MCFD2: variants seen among roughly 807,000 people sequenced by gnomAD.
MCFD2 encodes multiple coagulation factor deficiency 2, ER cargo receptor complex subunit.
A neutral mutation model predicts 12.8 loss-of-function variants in MCFD2; 11 were observed. The observed-to-expected ratio is 0.86, with a 90% CI of 0.54 to 1.42. MCFD2 has a LOEUF of 1.42. Ranked by LOEUF, MCFD2 falls within the 40% of genes most tolerant of loss-of-function variation. The pLI is 0.00. For synonymous variants in MCFD2, 70 were observed against 68.1 expected (o/e 1.03, Z -0.14); for missense variants, 191 against 178.6 (o/e 1.07, Z -0.40).
In MCFD2 at chr2:46,905,090, G is replaced by A; in HGVS notation, c.*373C>T. The A allele has an allele frequency of 3.0e-6, 1 of 334,194 alleles. No individual in the cohort carries two copies. Among genetic ancestry groups the A allele is most frequent in the South Asian group, 2.8e-5 (1 of 35,988 alleles). 20.7% of individuals were successfully genotyped at this position (334,194 alleles called of 1,614,324 possible). A position where few individuals can be genotyped will look rare whatever the true frequency, so the allele number is the denominator to read the frequency against. ...CTCATTTTCTCTTGCTGCCATGTAAGAAGTGCCTTTCACCTCCCGCCATGA... is the reference window on the plus strand; with the variant it reads ...CTCATTTTCTCTTGCTGCCATGTAAAAAGTGCCTTTCACCTCCCGCCATGA... On this transcript the variant is annotated 3_prime_UTR_variant, in exon 4 of 4. Coordinates refer to ENST00000319466, the MANE Select transcript of MCFD2 (RefSeq NM_139279.6).
rs1668162286 is a variant in MCFD2, at chr2:46,905,063, TC to T, written c.*399del. ...ATCAGGGGTTTCCACTTTTGCTTCTTCCTCATTTTCTCTTGCTGCCATGTAA... is the reference window on the plus strand; with the variant it reads ...ATCAGGGGTTTCCACTTTTGCTTCTTCTCATTTTCTCTTGCTGCCATGTAA... On this transcript the variant is annotated 3_prime_UTR_variant, in exon 4 of 4. Transcript: ENST00000319466. 3.1e-6 allele frequency: 1 copy of T among 322,012 alleles called. No individual in the cohort carries two copies. The highest frequency in any genetic ancestry group is 4.4e-5 in the Admixed American group (1 of 22,866). 19.9% of individuals were successfully genotyped at this position (322,012 alleles called of 1,614,324 possible).
chr2:46,923,766 C>T (rs1367191951), intron 1 of MCFD2, among the ~76,000 whole-genome samples: 2 of 152,008 alleles, frequency 1.3e-5, no homozygotes, highest in Middle Eastern at 3.4e-3. Flanking sequence ...AAGTCTCACT[C>T]TTGTCCACCA....
chr2:46,914,131 C>T (rs896096092), intron 1 of MCFD2: 1 of 152,336 alleles, frequency 6.6e-6, no homozygotes, highest in Non-Finnish European at 1.5e-5. Flanking sequence ...GTCTTGGCAC[C>T]TAGGTGTATT....
In MCFD2 at chr2:46,905,376, G is replaced by T; in HGVS notation, c.*87C>A. Reference sequence around the variant, plus strand: ...TACCAAAATGCTGCAGCAGTAGTTGGAAATGAGTTATTTTGCATTACTAAA... The same window carrying T: ...TACCAAAATGCTGCAGCAGTAGTTGTAAATGAGTTATTTTGCATTACTAAA... On this transcript the variant is annotated 3_prime_UTR_variant, in exon 4 of 4. Coordinates refer to ENST00000319466, the MANE Select transcript of MCFD2 (RefSeq NM_139279.6). The T allele has an allele frequency of 6.8e-7, 1 of 1,469,980 alleles. No individual in the cohort carries two copies. Among genetic ancestry groups the T allele is most frequent in the Non-Finnish European group, 9.5e-7 (1 of 1,052,128 alleles). The allele number at this position is 1,469,980 out of a possible 1,614,324, so 91.1% of individuals were successfully genotyped here.
chr2:46,932,559 A>G (rs2103846344), intron 1 of MCFD2, among the ~76,000 whole-genome samples: 1 of 152,242 alleles, frequency 6.6e-6, no homozygotes, highest in East Asian at 1.9e-4. Flanking sequence ...ATGTTTTTAA[A>G]AGAGAAGAAA....
Position 46,905,287 on chromosome 2 carries a change from T to C in MCFD2, c.*176A>G, listed in dbSNP as rs1668171631. ...CACTTAGGGACTATTAGATGTCCCA[T>C]TTCTCTTCTCTTTCATTTCTCTTAT... On this transcript the variant is annotated 3_prime_UTR_variant, in exon 4 of 4. Coordinates refer to ENST00000319466, the MANE Select transcript of MCFD2 (RefSeq NM_139279.6). The C allele has an allele frequency of 1.0e-5, 7 of 695,980 alleles. No homozygotes were observed. The highest frequency in any genetic ancestry group is 1.6e-5 in the South Asian group (1 of 63,196). 43.1% of individuals were successfully genotyped at this position (695,980 alleles called of 1,614,324 possible).
intron 1 of MCFD2, among the ~76,000 whole-genome samples, chr2:46,933,615 G>T (rs1284384976): frequency 6.6e-6 from 1 of 152,170 alleles, no homozygotes; most frequent in Non-Finnish European, 1.5e-5. Context: ...GGCAGGATGT[G>T]CTCTGAGCCA....
intron 1 of MCFD2, among the ~76,000 whole-genome samples, chr2:46,938,447 G>A (rs1315309093): frequency 3.9e-5 from 6 of 151,978 alleles, no homozygotes; most frequent in Admixed American, 2.6e-4. Context: ...ACCTTCAACC[G>A]AGGGGGTATT....
upstream of MCFD2, chr2:46,917,065 C>T (rs1668840236): frequency 7.7e-6 from 5 of 649,946 alleles, no homozygotes; most frequent in Admixed American, 5.0e-5. Context: ...TGAAAGTTGC[C>T]TAACGCCACT....
At chr2:46,916,234 A>C, upstream of MCFD2, 1 of 914,120 alleles carries the variant, frequency 1.1e-6, no homozygotes, top group Non-Finnish European at 1.3e-6. Context: ...AGGAATGCTA[A>C]TTCCTTCTTG....
At chr2:46,914,904 C>G (rs1273624481) in intron 1 of MCFD2, among the ~76,000 whole-genome samples, 2 of 152,186 alleles carry the variant, frequency 1.3e-5, no homozygotes, top group African/African-American at 4.8e-5. Flanking sequence ...ACAAATGAAT[C>G]TAAAGTTAAA....
At chr2:46,922,934 C>A (rs1259676188) in intron 1 of MCFD2, among the ~76,000 whole-genome samples, 1 of 152,232 alleles carries the variant, frequency 6.6e-6, no homozygotes, top group African/African-American at 2.4e-5. Flanking sequence ...AAACATCTGA[C>A]TGAATAGCTT....
chr2:46,913,963 A>T (rs1668587436), intron 1 of MCFD2: 2 of 152,164 alleles, frequency 1.3e-5, no homozygotes, highest in Admixed American at 1.3e-4. Context: ...AGCCTCTCAC[A>T]CTCATTTGAC....
At position 46,915,717 on chromosome 2, in the gene MCFD2, A is replaced by G. The variant is rs1001115085; in HGVS notation, c.-7+6T>C. The G allele has an allele frequency of 6.2e-6, 6 of 963,860 alleles. No homozygotes were observed. The highest frequency in any genetic ancestry group is 5.3e-5 in the African/African-American group (3 of 56,164). 59.7% of individuals were successfully genotyped at this position (963,860 alleles called of 1,614,324 possible). A position where few individuals can be genotyped will look rare whatever the true frequency, so the allele number is the denominator to read the frequency against. ...CCCGCTGCGGAGAGTGCGCTAGTTC[A>G]CTCACCCTTACGGTCTCCGAAGCAG... is the stretch of plus-strand genomic sequence containing the variant. On this transcript the variant is annotated splice_donor_region_variant and intron_variant, in intron 1 of 3. Coordinates refer to ENST00000319466, the MANE Select transcript of MCFD2 (RefSeq NM_139279.6).
intron 1 of MCFD2, among the ~76,000 whole-genome samples, chr2:46,939,850 G>A (rs1269028084): frequency 6.6e-6 from 1 of 152,204 alleles, no homozygotes; most frequent in African/African-American, 2.4e-5. Flanking sequence ...TAAGCCAGGA[G>A]TTTACAGACT....
intron 1 of MCFD2, among the ~76,000 whole-genome samples, chr2:46,928,136 C>G (rs1427752115): frequency 6.6e-6 from 1 of 151,806 alleles, no homozygotes; most frequent in Non-Finnish European, 1.5e-5. Flanking sequence ...AGGTGATCTG[C>G]CCACCTTAAC....
Position 46,904,274 on chromosome 2 carries a change from G to A in MCFD2, c.*1189C>T, listed in dbSNP as rs918642344. On this transcript the variant is annotated 3_prime_UTR_variant, in exon 4 of 4. Transcript: ENST00000319466. The stretch of plus-strand genomic sequence containing the variant: ...GGGCAGTGCAGAAGGGAAATGTGGT[G>A]TGGGAGCCCCCACACAGAGTCCCTA... 3 of 152,350 alleles carry A rather than the reference G, an allele frequency of 2.0e-5. No homozygotes were observed. The highest frequency in any genetic ancestry group is 7.2e-5 in the African/African-American group (3 of 41,466). 9.4% of individuals were successfully genotyped at this position (152,350 alleles called of 1,614,324 possible).
intron 1 of MCFD2, among the ~76,000 whole-genome samples, chr2:46,933,653 T>A (rs997339532): frequency 5.3e-5 from 8 of 152,222 alleles, no homozygotes; most frequent in African/African-American, 1.9e-4. Context: ...TAAAAGTTGA[T>A]TTCCGAATGT....
intron 1 of MCFD2, among the ~76,000 whole-genome samples, chr2:46,923,794 G>T (rs1056888093): frequency 6.6e-6 from 1 of 151,800 alleles, no homozygotes; most frequent in Non-Finnish European, 1.5e-5. Flanking sequence ...GTGCAATGGC[G>T]CCATCTCAGC....
Sources: gnomAD v4.1 joint callset for allele counts (sites outside exome capture counted in the v4.1 genomes callset) on GRCh38, gnomAD v4.1.1 for gene constraint, MANE v1.5 for transcripts, NCBI Gene and HGNC (gene_info 2026-07-23, HGNC 2026-07-21) for gene names.